The following SORBS2 variants were observed in gnomAD, a reference collection of about 807,000 sequenced individuals.
The protein encoded by SORBS2 is sorbin and SH3 domain-containing protein 2.
Under a neutral mutation model 97.7 loss-of-function variants are expected in SORBS2, and 46 were observed. That is an observed-to-expected ratio of 0.47 (90% CI 0.37 to 0.60). SORBS2 has a LOEUF of 0.60. Among genes scored for constraint, SORBS2 ranks in the 20% least tolerant of loss-of-function variants. SORBS2 has a pLI of 0.00. For synonymous variants in SORBS2, 476 were observed against 473.4 expected, an observed-to-expected ratio of 1.01 and a Z score of -0.07; for missense variants, 1,316 against 1,282.3, an observed-to-expected ratio of 1.03 and a Z score of -0.40.
intron 1 of SORBS2, among the ~76,000 whole-genome samples, chr4:185,929,716 A>T (rs1374676653): frequency 6.6e-6 from 1 of 151,780 alleles, no homozygotes; most frequent in East Asian, 1.9e-4. Context: ...TTGTATTTTT[A>T]GTAGAGTTGG....
intron 12 of SORBS2, among the ~76,000 whole-genome samples, chr4:185,605,191 A>G (rs1170003195): frequency 1.3e-5 from 2 of 152,258 alleles, no homozygotes; most frequent in African/African-American, 4.8e-5. Context: ...ATAGTAGCGT[A>G]ATAGGAACCA....
chr4:185,798,545 C>T (rs958227308), intron 1 of SORBS2, among the ~76,000 whole-genome samples: 35 of 152,154 alleles, frequency 2.3e-4, no homozygotes, highest in African/African-American at 7.7e-4. Flanking sequence ...AGCAACTACA[C>T]TTAATAGCTT....
At chr4:185,927,126 T>C (rs1057428159) in intron 1 of SORBS2, among the ~76,000 whole-genome samples, 5 of 149,186 alleles carry the variant, frequency 3.4e-5, no homozygotes, top group Non-Finnish European at 7.4e-5. Context: ...TATATGTATA[T>C]AAAATATATT....
intron 1 of SORBS2, among the ~76,000 whole-genome samples, chr4:185,855,212 G>A (rs1247315410): frequency 2.6e-5 from 4 of 152,126 alleles, no homozygotes; most frequent in Admixed American, 1.3e-4. Flanking sequence ...GTTAGTAAGT[G>A]AGGCCTTCCC....
Position 185,606,933 on chromosome 4 carries a change from C to A in SORBS2, c.2796+4847G>T. On this transcript the variant is annotated intron_variant, in intron 12 of 14. Coordinates refer to ENST00000418609, the Ensembl canonical transcript of SORBS2. The surrounding 1 kb of genome is among the most constrained non-coding windows in gnomAD (Gnocchi z 4.3). ...TTTTAGGGTCTGAGAAGCCCCTTCT[C>A]ATTTTTCTCAACTCTGCAAAGTTGC... The A allele has an allele frequency of 1.0e-6, 1 of 991,006 alleles. No individual in the cohort carries two copies. The highest frequency in any genetic ancestry group is 1.2e-6 in the Non-Finnish European group (1 of 833,066). 61.4% of individuals were successfully genotyped at this position (991,006 alleles called of 1,614,324 possible).
At chr4:185,943,658 C>T (rs1271833751) in intron 1 of SORBS2, among the ~76,000 whole-genome samples, 1 of 152,130 alleles carries the variant, frequency 6.6e-6, no homozygotes, top group African/African-American at 2.4e-5. Flanking sequence ...ATTCCTGAGC[C>T]TCCAGTATAA....
chr4:185,620,745 C>T (rs1423008686), intron 7 of SORBS2, among the ~76,000 whole-genome samples: 1 of 152,162 alleles, frequency 6.6e-6, no homozygotes, highest in Admixed American at 6.5e-5. Context: ...AGATGCCATG[C>T]TGTTTATCTA....
chr4:185,837,661 G>T (rs1354108880), intron 1 of SORBS2, among the ~76,000 whole-genome samples: 2 of 152,114 alleles, frequency 1.3e-5, no homozygotes, highest in Non-Finnish European at 2.9e-5. Flanking sequence ...CTGCAGTGAG[G>T]TCGTTTCATA....
At chr4:185,663,103 C>T (rs548443162) in intron 4 of SORBS2, among the ~76,000 whole-genome samples, 1 of 152,168 alleles carries the variant, frequency 6.6e-6, no homozygotes, top group African/African-American at 2.4e-5. Context: ...ATTAAGCATG[C>T]CTGTCTACCC....
chr4:185,844,169 A>C (rs1421432563), intron 1 of SORBS2, among the ~76,000 whole-genome samples: 1 of 152,190 alleles, frequency 6.6e-6, no homozygotes, highest in Non-Finnish European at 1.5e-5. Flanking sequence ...AAAAATGAAC[A>C]CTGATAAATA....
exon 6 of SORBS2, chr4:185,626,951 C>A (rs2096825748): frequency 6.2e-7 from 1 of 1,614,064 alleles, no homozygotes; most frequent in South Asian, 1.1e-5. Context: ...ATCTCCCAAG[C>A]CCCGTGGTGG....
intron 9 of SORBS2, among the ~76,000 whole-genome samples, chr4:185,618,253 G>A (rs2096658495): frequency 6.6e-6 from 1 of 152,146 alleles, no homozygotes; most frequent in African/African-American, 2.4e-5. Flanking sequence ...GGGATTACAG[G>A]CATGAGCCAC....
At chr4:185,747,829 A>C (rs926554815) in intron 2 of SORBS2, among the ~76,000 whole-genome samples, 4 of 152,070 alleles carry the variant, frequency 2.6e-5, no homozygotes, top group African/African-American at 9.7e-5. Flanking sequence ...GTCTCTACCG[A>C]AAATACAAAA....
At chr4:185,937,296 T>G (rs1424827199) in intron 1 of SORBS2, among the ~76,000 whole-genome samples, 1 of 152,208 alleles carries the variant, frequency 6.6e-6, no homozygotes, top group African/African-American at 2.4e-5. Context: ...ACTAGCAGTC[T>G]CACCGTGGGT....
intron 2 of SORBS2, among the ~76,000 whole-genome samples, chr4:185,748,703 A>G (rs2098779880): frequency 6.6e-6 from 1 of 152,230 alleles, no homozygotes; most frequent in Non-Finnish European, 1.5e-5. Context: ...TTCCCATTCA[A>G]TTAGATTTTG....
At chr4:185,827,181 A>ACCATCATCATCATC (rs1561210817) in intron 1 of SORBS2, among the ~76,000 whole-genome samples, 1 of 19,170 alleles carries the variant, frequency 5.2e-5, no homozygotes, top group East Asian at 2.3e-3. Context: ...CCATCATCAG[A>ACCATCATCATCATC]ATCACCATCA....
chr4:185,628,386 C>A (rs1373541688), intron 5 of SORBS2, among the ~76,000 whole-genome samples: 1 of 150,610 alleles, frequency 6.6e-6, no homozygotes, highest in East Asian at 1.9e-4. Flanking sequence ...GGGTTGCCTG[C>A]AGCTTGTCCT....
intron 1 of SORBS2, among the ~76,000 whole-genome samples, chr4:185,792,590 A>G (rs188773737): frequency 7.2e-5 from 11 of 152,304 alleles, no homozygotes; most frequent in Non-Finnish European, 1.5e-4. Context: ...GAAAGAAAAT[A>G]TGAACAAGCA....
intron 2 of SORBS2, among the ~76,000 whole-genome samples, chr4:185,696,211 G>A (rs1342363548): frequency 6.6e-6 from 1 of 152,090 alleles, no homozygotes; most frequent in Admixed American, 6.5e-5. Flanking sequence ...CTGATATTTG[G>A]AAAAATTTCC....
Sources: allele counts gnomAD v4.1 joint callset (sites outside exome capture counted in the v4.1 genomes callset), GRCh38; gene constraint gnomAD v4.1.1; non-coding constraint Gnocchi (gnomAD v3.1); transcripts MANE v1.5; gene names NCBI Gene and HGNC (gene_info 2026-07-23, HGNC 2026-07-21).